Variants in PKP4 observed in about 807,000 individuals in gnomAD.
PKP4 encodes plakophilin 4.
Under a neutral mutation model 145.1 loss-of-function variants are expected in PKP4, and 90 were observed. That is an observed-to-expected ratio of 0.62 (90% confidence interval 0.52 to 0.74). The LOEUF (loss-of-function observed/expected upper bound fraction) is 0.74, where lower values mean the gene tolerates loss of function less well. PKP4 is among the 30% of genes least tolerant of loss of function. PKP4 has a pLI of 0.00. For missense variants in PKP4, 1,340 were observed against 1,482.7 expected (o/e 0.90, Z 1.58); for synonymous variants, 563 against 577.2 (o/e 0.98, Z 0.35).
chr2:158,627,683 CAGAA>C (rs1352756867), intron 7 of PKP4, among the ~76,000 whole-genome samples: 1 of 132,132 alleles, frequency 7.6e-6, no homozygotes, highest in East Asian at 2.4e-4. Flanking sequence ...ATGTTCATTT[CAGAA>C]TAATCATGGC....
At position 158,676,759 on chromosome 2, in the gene PKP4, C is replaced by T; in HGVS notation, c.3148C>T (p.Pro1050Ser). The change falls in exon 20 of 22, where the codon CCA becomes TCA. Residue 1050 changes from proline to serine, a missense_variant. Transcript: ENST00000389759. ...IQSVGSTSSS[P>S]ALLGIRDPRS... is the part of the protein sequence containing the mutation. The stretch of plus-strand genomic sequence containing the variant: ...TTCAGTCGGCAGCACCTCTTCCTCA[C>T]CAGCACTGTTAGGAATCAGAGACCC... The T allele has an allele frequency of 6.2e-7, 1 of 1,614,154 alleles. No individual in the cohort carries two copies. The highest frequency in any genetic ancestry group is 8.5e-7 in the Non-Finnish European group (1 of 1,180,016).
chr2:158,639,937 T>A (rs2105928503), intron 9 of PKP4, among the ~76,000 whole-genome samples: 1 of 152,320 alleles, frequency 6.6e-6, no homozygotes, highest in Admixed American at 6.5e-5. Context: ...CCTGGAATAG[T>A]GCCTGACACA....
At chr2:158,477,842 C>T (rs562323018) in intron 1 of PKP4, among the ~76,000 whole-genome samples, 1 of 152,114 alleles carries the variant, frequency 6.6e-6, no homozygotes, top group Non-Finnish European at 1.5e-5. Context: ...AGTAACATAG[C>T]AAGACACTCA....
intron 1 of PKP4, among the ~76,000 whole-genome samples, chr2:158,528,602 A>G (rs1001195155): frequency 7.1e-6 from 1 of 141,372 alleles, no homozygotes; most frequent in African/African-American, 2.6e-5. Context: ...TAACCTGCAC[A>G]ATGTGCACAT....
chr2:158,597,214 A>G (rs776146210), intron 3 of PKP4, among the ~76,000 whole-genome samples: 1 of 152,224 alleles, frequency 6.6e-6, no homozygotes, highest in African/African-American at 2.4e-5. Flanking sequence ...CGATATATGC[A>G]GTAAACATCT....
At chr2:158,677,506 T>G (rs530215524) in intron 20 of PKP4, among the ~76,000 whole-genome samples, 1 of 152,346 alleles carries the variant, frequency 6.6e-6, no homozygotes, top group Admixed American at 6.5e-5. Context: ...GTTCCCATTC[T>G]CAACCGTCTG....
chr2:158,635,085 T>G lies in PKP4; in HGVS notation c.1562+796T>G, dbSNP rs559442038. On this transcript the variant is annotated intron_variant, in intron 9 of 21. Coordinates refer to ENST00000389759, the MANE Select transcript of PKP4 (RefSeq NM_003628.6). ...TATTTTAAGGCATGTATGCAAGATTTCATTCACTCTTCGCCCACAAATAGT... is the reference window on the plus strand; with the variant it reads ...TATTTTAAGGCATGTATGCAAGATTGCATTCACTCTTCGCCCACAAATAGT... Among the ~76,000 whole-genome samples the G allele has an allele frequency of 2.0e-5, 3 of 152,346 alleles. No homozygotes were observed. In the South Asian group the frequency reaches 6.2e-4, roughly 32 times the overall value.
At chr2:158,578,315 GAT>G (rs1222557436) in intron 3 of PKP4, 2 of 167,212 alleles carry the variant, frequency 1.2e-5, no homozygotes, top group Non-Finnish European at 2.9e-5. Flanking sequence ...TGTGTATATT[GAT>G]ATGTTTGGTA....
At chr2:158,563,945 C>T (rs1347006960) in intron 2 of PKP4, among the ~76,000 whole-genome samples, 1 of 152,108 alleles carries the variant, frequency 6.6e-6, no homozygotes, top group Non-Finnish European at 1.5e-5. Context: ...ATCAGAATAC[C>T]ACGTTCGAGG....
At chr2:158,471,009 A>G (rs1016318513) in intron 1 of PKP4, among the ~76,000 whole-genome samples, 2 of 152,156 alleles carry the variant, frequency 1.3e-5, no homozygotes, top group Admixed American at 6.5e-5. Flanking sequence ...TAAAAACAGC[A>G]TGCTTGCTAC....
At chr2:158,460,318 A>G (rs891302688) in intron 1 of PKP4, among the ~76,000 whole-genome samples, 1 of 152,214 alleles carries the variant, frequency 6.6e-6, no homozygotes, top group Admixed American at 6.5e-5. Context: ...TTTAATAAAA[A>G]TTTTAGCATT....
chr2:158,469,091 TTTG>T (rs1305844890), intron 1 of PKP4, among the ~76,000 whole-genome samples: 1 of 151,516 alleles, frequency 6.6e-6, no homozygotes, highest in Non-Finnish European at 1.5e-5. Context: ...AAAATACTTT[TTTG>T]TTGTTTTTTT....
chr2:158,592,073 T>C (rs1229024002), intron 3 of PKP4, among the ~76,000 whole-genome samples: 1 of 152,136 alleles, frequency 6.6e-6, no homozygotes, highest in African/African-American at 2.4e-5. Flanking sequence ...GAATGCTGTT[T>C]TAAGAGACTT....
intron 1 of PKP4, among the ~76,000 whole-genome samples, chr2:158,473,689 G>T (rs1002889066): frequency 6.6e-6 from 1 of 151,614 alleles, no homozygotes; most frequent in Non-Finnish European, 1.5e-5. Context: ...GGCGGAAAAG[G>T]TAACTCTGGG....
intron 2 of PKP4, among the ~76,000 whole-genome samples, chr2:158,550,499 G>A (rs1488812076): frequency 6.6e-6 from 1 of 152,226 alleles, no homozygotes; most frequent in Non-Finnish European, 1.5e-5. Flanking sequence ...GACAAACAGT[G>A]TGACCCAACA....
rs543686638 is a variant in PKP4, at chr2:158,503,281, A to T, written c.-5-29899A>T. ...TAATGCGTTATCTTTCATTCAATCC[A>T]TATTTACTTGGTGGCTGGCTCTAAC... On this transcript the variant is annotated intron_variant, in intron 1 of 21. Transcript: ENST00000389759. Among the ~76,000 whole-genome samples the T allele has an allele frequency of 4.6e-5, 7 of 152,342 alleles. No homozygotes were observed. The South Asian group carries it at 1.5e-3, about 32-fold the overall frequency.
chr2:158,603,270 A>G (rs887334065), intron 4 of PKP4, among the ~76,000 whole-genome samples, 166 bp downstream of exon 4: 1 of 152,198 alleles, frequency 6.6e-6, no homozygotes, highest in Non-Finnish European at 1.5e-5. Context: ...AGTTTTTAGT[A>G]TAATTGAGTA....
chr2:158,603,831 T>G lies in PKP4; in HGVS notation c.280+727T>G, dbSNP rs1460510035. Among the ~76,000 whole-genome samples, 8 of 152,334 alleles carry G rather than the reference T, an allele frequency of 5.3e-5. No individual in the cohort carries two copies. The East Asian group carries it at 1.5e-3, about 29-fold the overall frequency. ...AATGTTGTAATGCTGGAATAGGCAT[T>G]GATGTGTAAATACTTTGGCCCTTTT... On this transcript the variant is annotated intron_variant, in intron 4 of 21. Coordinates refer to ENST00000389759, the MANE Select transcript of PKP4 (RefSeq NM_003628.6).
chr2:158,607,586 G>T (rs1398256034), intron 4 of PKP4, among the ~76,000 whole-genome samples: 1 of 152,060 alleles, frequency 6.6e-6, no homozygotes, highest in Non-Finnish European at 1.5e-5. Context: ...CTTCAGACGG[G>T]GAGATTTCCA....
Sources: gnomAD v4.1 joint callset for allele counts (sites outside exome capture counted in the v4.1 genomes callset) on GRCh38, gnomAD v4.1.1 for gene constraint, MANE v1.5 for transcripts, NCBI Gene and HGNC (gene_info 2026-07-23, HGNC 2026-07-21) for gene names.